METTL9: variants seen among roughly 807,000 people sequenced by gnomAD.
METTL9 encodes methyltransferase 9, His-X-His N1(pi)-histidine.
Under a neutral mutation model 36.0 loss-of-function variants are expected in METTL9, and 10 were observed. The ratio of observed to expected loss-of-function variants is 0.28; its 90% CI spans 0.17 to 0.47. The LOEUF (loss-of-function observed/expected upper bound fraction) is 0.47. METTL9 is among the 20% of genes least tolerant of loss of function. The pLI, the probability that METTL9 is intolerant of heterozygous loss-of-function variation, is 0.99. For missense variants in METTL9, 246 were observed against 383.5 expected (o/e 0.64, Z 3.00); for synonymous variants, 175 against 149.7 (o/e 1.17, Z -1.23).
chr16:21,647,188 A>T, intron 4 of METTL9: 2 of 1,614,060 alleles, frequency 1.2e-6, no homozygotes, highest in Non-Finnish European at 1.7e-6. Context: ...CTTCCGGCAC[A>T]CTGGGGAATG....
Position 21,655,547 on chromosome 16 carries a change from T to C in METTL9, c.*115T>C, listed in dbSNP as rs1299452339. ...CCCTTGGGGACCGCCATTCTAAATA[T>C]CATGTAGGAATTTAAAAAGCCAAAA... On this transcript the variant is annotated 3_prime_UTR_variant, in exon 5 of 5. Coordinates refer to ENST00000358154, the MANE Select transcript of METTL9 (RefSeq NM_016025.5). 4.6e-6 allele frequency: 4 copies of C among 866,230 alleles called. No individual in the cohort carries two copies. The East Asian group carries it at 7.7e-5, about 17-fold the overall frequency. The allele number at this position is 866,230 out of a possible 1,614,324, so 53.7% of individuals were successfully genotyped here.
intron 4 of METTL9, chr16:21,627,107 C>T: frequency 1.0e-6 from 1 of 985,296 alleles, no homozygotes; most frequent in Non-Finnish European, 1.2e-6. Flanking sequence ...TTTTAGTGAC[C>T]TATAAATTTT....
At position 21,599,985 on chromosome 16, in the gene METTL9, G is replaced by A; in HGVS notation, c.165+87G>A. The A allele has an allele frequency of 8.9e-7, 1 of 1,129,846 alleles. No individual in the cohort carries two copies. The highest frequency in any genetic ancestry group is 1.1e-6 in the Non-Finnish European group (1 of 905,570). 70.0% of individuals were successfully genotyped at this position (1,129,846 alleles called of 1,614,324 possible). On this transcript the variant is annotated intron_variant, in intron 1 of 4. Coordinates refer to ENST00000358154, the MANE Select transcript of METTL9 (RefSeq NM_016025.5). The surrounding 1 kb of genome is among the most constrained non-coding windows in gnomAD (Gnocchi z 4.4). ...CGGCTATTGTGCGGGACGGCTCCGC[G>A]AGGGGGCGGCCCGGCCCTCGCCCCT...
intron 4 of METTL9, chr16:21,647,639 G>T: frequency 9.4e-7 from 1 of 1,060,992 alleles, no homozygotes. Context: ...AACACCAGTG[G>T]TCCTCACTTG....
intron 3 of METTL9, among the ~76,000 whole-genome samples, chr16:21,621,905 T>G (rs1965705950): frequency 6.6e-6 from 1 of 151,910 alleles, no homozygotes; most frequent in African/African-American, 2.4e-5. Context: ...CTCTCCCTGT[T>G]GCCCAGGCTG....
chr16:21,624,936 TTGGTATAAATGAA>T lies in METTL9; in HGVS notation c.576_588del (p.Ile193ArgfsTer13). Reference sequence around the variant, plus strand: ...GTTATTTCTGATTTTTCTAGAGTCCTTGGTATAAATGAATGGCAGAATACGGGGTTCCAGTATG... The same window carrying T: ...GTTATTTCTGATTTTTCTAGAGTCCTTGGCAGAATACGGGGTTCCAGTATG... On this transcript the variant is annotated frameshift_variant, in exon 4 of 5. Coordinates refer to ENST00000358154, the MANE Select transcript of METTL9 (RefSeq NM_016025.5). LOFTEE classifies it high-confidence loss of function. 1 of 1,613,922 alleles carries T rather than the reference TTGGTATAAATGAA, an allele frequency of 6.2e-7. No individual in the cohort carries two copies. Among genetic ancestry groups the T allele is most frequent in the South Asian group, 1.1e-5 (1 of 91,084 alleles).
chr16:21,621,791 C>T (rs1049396792), intron 3 of METTL9, among the ~76,000 whole-genome samples: 26 of 152,062 alleles, frequency 1.7e-4, no homozygotes, highest in African/African-American at 5.8e-4. Context: ...GTTAGTGTTT[C>T]ATTTTTTATT....
At chr16:21,654,905 A>G (rs1966668706) in intron 4 of METTL9, 1 of 313,320 alleles carries the variant, frequency 3.2e-6, no homozygotes, top group African/African-American at 2.1e-5. Context: ...TACACCCTGC[A>G]GTCAGTCTAT....
At chr16:21,608,503 A>T (rs1421002149) in intron 1 of METTL9, among the ~76,000 whole-genome samples, 5 of 152,156 alleles carry the variant, frequency 3.3e-5, no homozygotes, top group African/African-American at 1.2e-4. Context: ...TCCCTAGACC[A>T]TAGTTAGGCT....
At chr16:21,641,413 A>T in intron 4 of METTL9, 1 of 490,700 alleles carries the variant, frequency 2.0e-6, no homozygotes, top group Non-Finnish European at 3.6e-6. Flanking sequence ...CCTTCTTTGT[A>T]GCCAGTTGTC....
intron 4 of METTL9, chr16:21,647,079 T>C: frequency 6.2e-7 from 1 of 1,612,428 alleles, no homozygotes; most frequent in Non-Finnish European, 8.5e-7. Flanking sequence ...GTAATGATTT[T>C]ACAGGCCTGA....
chr16:21,626,479 C>T (rs1398057094), intron 4 of METTL9, among the ~76,000 whole-genome samples: 1 of 151,990 alleles, frequency 6.6e-6, no homozygotes, highest in Admixed American at 6.6e-5. Flanking sequence ...TAATATTTAC[C>T]AAATGGTTTC....
In METTL9 at chr16:21,655,298, A is replaced by T; in HGVS notation, c.823A>T (p.Ser275Cys). ...ACAGAACTGGGAAGAACAAGTGAATAGTCTGCCTGAAGTTTTCAGAAAAGC... is the reference window on the plus strand; with the variant it reads ...ACAGAACTGGGAAGAACAAGTGAATTGTCTGCCTGAAGTTTTCAGAAAAGC... ...KGQNWEEQVN[S>C]LPEVFRKAGF... Residue 275 changes from serine (S) to cysteine (C), a missense_variant, in exon 5 of 5, where the codon AGT becomes TGT. Ser to Cys is a moderately radical substitution (Grantham distance 112, BLOSUM62 -1). Coordinates refer to ENST00000358154, the MANE Select transcript of METTL9 (RefSeq NM_016025.5). 6.2e-7 allele frequency: 1 copy of T among 1,614,280 alleles called. No homozygotes were observed.
chr16:21,630,876 G>A (rs1035382845), intron 4 of METTL9, among the ~76,000 whole-genome samples: 1 of 152,190 alleles, frequency 6.6e-6, no homozygotes, highest in African/African-American at 2.4e-5. Context: ...GTTGGTACAA[G>A]AGTTTGAAAG....
At position 21,645,641 on chromosome 16, in the gene METTL9, C is replaced by G. The variant is rs145308787; in HGVS notation, c.752-9586C>G. Among the ~76,000 whole-genome samples, 826 of 152,292 alleles carry G rather than the reference C, an allele frequency of 5.4e-3. 5 individuals carry two copies. Among genetic ancestry groups the G allele is most frequent in the Middle Eastern group, 0.038 (11 of 292 alleles). ...GTTGCCATGTCTGCCTTAACACTTTCAATTCTGCCTTTCACTTTCACTTCA... is the reference window on the plus strand; with the variant it reads ...GTTGCCATGTCTGCCTTAACACTTTGAATTCTGCCTTTCACTTTCACTTCA... On this transcript the variant is annotated intron_variant, in intron 4 of 4. Coordinates refer to ENST00000358154, the MANE Select transcript of METTL9 (RefSeq NM_016025.5).
At chr16:21,617,397 G>A (rs1260728510) in intron 2 of METTL9, among the ~76,000 whole-genome samples, 3 of 143,684 alleles carry the variant, frequency 2.1e-5, no homozygotes, top group Admixed American at 7.3e-5. Context: ...CAGTCTGGGC[G>A]ACGGCAGAGC....
intron 4 of METTL9, chr16:21,653,432 C>CT (rs1337653882): frequency 6.6e-6 from 1 of 152,298 alleles, no homozygotes; most frequent in African/African-American, 2.4e-5. Context: ...TCTGTGTCCT[C>CT]TCCCCCAGCA....
At chr16:21,613,575 G>A (rs1292874954) in intron 2 of METTL9, among the ~76,000 whole-genome samples, 1 of 152,132 alleles carries the variant, frequency 6.6e-6, no homozygotes, top group African/African-American at 2.4e-5. Flanking sequence ...ACCAAGCCCT[G>A]AAGCTGAGGG....
upstream of METTL9, among the ~76,000 whole-genome samples, chr16:21,599,292 T>TA (rs1278834887): frequency 1.3e-5 from 2 of 152,154 alleles, no homozygotes; most frequent in Admixed American, 1.3e-4. The surrounding 1 kb of genome is among the most constrained non-coding windows in gnomAD (Gnocchi z 4.4). Flanking sequence ...AGGCTGCAGT[T>TA]ACCGCCTTCG....
Sources: allele counts gnomAD v4.1 joint callset (sites outside exome capture counted in the v4.1 genomes callset), GRCh38; gene constraint gnomAD v4.1.1; non-coding constraint Gnocchi (gnomAD v3.1); transcripts MANE v1.5; gene names NCBI Gene and HGNC (gene_info 2026-07-23, HGNC 2026-07-21).